Variants in TAF5 observed in about 807,000 individuals in gnomAD.
The protein encoded by TAF5 is transcription initiation factor TFIID subunit 5.
A neutral mutation model predicts 80.9 loss-of-function variants in TAF5; 20 were observed. The observed-to-expected ratio is 0.25, with a 90% CI of 0.17 to 0.36. The LOEUF is 0.36. Among genes scored for constraint, TAF5 ranks in the 10% least tolerant of loss-of-function variants. The pLI is 1.00. For synonymous variants in TAF5, 388 were observed against 406.4 expected, an observed-to-expected ratio of 0.95 and a Z score of 0.55; for missense variants, 863 against 1,029.4, an observed-to-expected ratio of 0.84 and a Z score of 2.21.
chr10:103,387,657 G>A lies in TAF5; in HGVS notation c.2144G>A (p.Cys715Tyr), dbSNP rs1254927239. 4.3e-6 allele frequency: 7 copies of A among 1,613,350 alleles called. No individual in the cohort carries two copies. The highest frequency in any genetic ancestry group is 5.9e-6 in the Non-Finnish European group (7 of 1,179,882). The change falls in exon 10 of 11, where the codon TGT (cysteine) becomes TAT (tyrosine). Residue 715 changes from cysteine to tyrosine, a missense_variant. Around this residue, in one of 3 missense-constraint regions of TAF5, gnomAD observed 368 missense variants for 461.7 expected, o/e 0.80. Transcript: ENST00000369839. Reference sequence around the variant, plus strand: ...TTAAAAGGCCACACTGATACAGTCTGTTCACTTAGGTTTAGTAGAGATGGT... The same window carrying A: ...TTAAAAGGCCACACTGATACAGTCTATTCACTTAGGTTTAGTAGAGATGGT... ...GELKGHTDTV[C>Y]SLRFSRDGEI...
rs536747755 is a variant in TAF5 at position 103,374,210 on chromosome 10, G to C, written c.797+615G>C. 9.2e-5 allele frequency among the ~76,000 whole-genome samples: 14 copies of C among 152,328 alleles called. No homozygotes were observed. Among genetic ancestry groups the C allele is most frequent in the Non-Finnish European group, 1.8e-4 (12 of 68,030 alleles). On this transcript the variant is annotated intron_variant, in intron 2 of 10. Coordinates refer to ENST00000369839, the MANE Select transcript of TAF5 (RefSeq NM_006951.5). The surrounding 1 kb of genome is among the most constrained non-coding windows in gnomAD (Gnocchi z 4.3). ...TTTATCTTAAGAAAACTAGGAAGCA[G>C]TGTTAGGATTCGATTAGAATAAGAG...
chr10:103,369,275 G>A (rs1229375142), intron 1 of TAF5, among the ~76,000 whole-genome samples: 1 of 151,994 alleles, frequency 6.6e-6, no homozygotes, highest in Non-Finnish European at 1.5e-5. Context: ...CACCGCGCCC[G>A]GCCGCCATAC....
Position 103,378,622 on chromosome 10 carries a change from AC to A in TAF5, c.1113+73del. 6.8e-7 allele frequency: 1 copy of A among 1,468,024 alleles called. No homozygotes were observed. 90.9% of individuals were successfully genotyped at this position (1,468,024 alleles called of 1,614,324 possible). On this transcript the variant is annotated intron_variant, in intron 3 of 10. Coordinates refer to ENST00000369839, the MANE Select transcript of TAF5 (RefSeq NM_006951.5). The surrounding 1 kb of genome is among the most constrained non-coding windows in gnomAD (Gnocchi z 4.1). ...TGTAGCATTTCCATCTACATAAGTT[AC>A]ACATTTTTCTTATAGCTAGCTTGGA...
chr10:103,379,350 A>G (rs529279443), intron 3 of TAF5, among the ~76,000 whole-genome samples: 3 of 152,352 alleles, frequency 2.0e-5, no homozygotes, highest in East Asian at 1.9e-4. Flanking sequence ...AACCATACCC[A>G]GTATACTTAT....
Position 103,387,717 on chromosome 10 carries a change from C to G in TAF5, c.2185+19C>G, listed in dbSNP as rs1237463804. 1 of 1,599,562 alleles carries G rather than the reference C, an allele frequency of 6.3e-7. No homozygotes were observed. Among genetic ancestry groups the G allele is most frequent in the Non-Finnish European group, 8.5e-7 (1 of 1,173,302 alleles). ...GCATCAGGTAAATGACTATTAATGG[C>G]TTTACGATAAATGCTATGTTAAGAG... On this transcript the variant is annotated intron_variant, in intron 10 of 10. Transcript: ENST00000369839.
In TAF5 at chr10:103,374,157, A is replaced by G. The variant is rs1333474110; in HGVS notation, c.797+562A>G. ...GAGAGTCACTGAAAACTCATCAACAATGGCATAAATAAAAGTTTATTTTTG... is the reference window on the plus strand; with the variant it reads ...GAGAGTCACTGAAAACTCATCAACAGTGGCATAAATAAAAGTTTATTTTTG... On this transcript the variant is annotated intron_variant, in intron 2 of 10. Transcript: ENST00000369839. The surrounding 1 kb of genome is among the most constrained non-coding windows in gnomAD (Gnocchi z 4.3). Among the ~76,000 whole-genome samples, 1 of 152,262 alleles carries G rather than the reference A, an allele frequency of 6.6e-6. No individual in the cohort carries two copies. Among genetic ancestry groups the G allele is most frequent in the African/African-American group, 2.4e-5 (1 of 41,476 alleles).
intron 6 of TAF5, 111 bp downstream of exon 6, chr10:103,381,952 A>G: frequency 6.9e-7 from 1 of 1,441,894 alleles, no homozygotes; most frequent in Non-Finnish European, 9.5e-7. Context: ...ACTTGATTTT[A>G]CTTTAACTCA....
chr10:103,387,767 C>G, intron 10 of TAF5, 69 bp downstream of exon 10: 1 of 1,459,294 alleles, frequency 6.9e-7, no homozygotes, highest in East Asian at 2.3e-5. Flanking sequence ...GACTGCAATA[C>G]TAAGTCCTTA....
Position 103,368,016 on chromosome 10 carries a change from G to T in TAF5, c.27G>T (p.Thr9=). MAALAEEQ[T]EVAVKLEPEG... ...TGGCGGCGCTGGCGGAGGAGCAGAC[G>T]GAGGTGGCGGTCAAGCTAGAGCCTG... The change falls in exon 1 of 11, where the codon ACG becomes ACT. Residue 9 remains threonine, a synonymous_variant. Transcript: ENST00000369839. The T allele has an allele frequency of 2.0e-6, 3 of 1,466,034 alleles. No homozygotes were observed. Among genetic ancestry groups the T allele is most frequent in the Non-Finnish European group, 2.7e-6 (3 of 1,115,038 alleles). The allele number at this position is 1,466,034 out of a possible 1,614,324, so 90.8% of individuals were successfully genotyped here. A position where few individuals can be genotyped will look rare whatever the true frequency, so the allele number is the denominator to read the frequency against.
In TAF5 at chr10:103,380,039, G is replaced by A. The variant is rs368480649; in HGVS notation, c.1413+20G>A. ...TACCAGGTTGGTAAAAAAATTGGGCGATTTCTGCCTGGAGAGTCATGTAGG... is the reference window on the plus strand; with the variant it reads ...TACCAGGTTGGTAAAAAAATTGGGCAATTTCTGCCTGGAGAGTCATGTAGG... On this transcript the variant is annotated intron_variant, in intron 5 of 10. Coordinates refer to ENST00000369839, the MANE Select transcript of TAF5 (RefSeq NM_006951.5). 21 of 1,606,230 alleles carry A rather than the reference G, an allele frequency of 1.3e-5. No homozygotes were observed. In the South Asian group the frequency reaches 1.3e-4, roughly 10 times the overall value.
rs907909017 is a variant in TAF5 at position 103,374,036 on chromosome 10, G to GA, written c.797+449dup. The stretch of plus-strand genomic sequence containing the variant: ...GTTCTATTGTTAAAGTGAAGGCATT[G>GA]AAAAAAAAGGATAGGCAGGTTTTTG... On this transcript the variant is annotated intron_variant, in intron 2 of 10. Coordinates refer to ENST00000369839, the MANE Select transcript of TAF5 (RefSeq NM_006951.5). This position sits in a 1 kb window ranked among gnomAD's most constrained non-coding sequence, Gnocchi z 4.3. 8.4e-4 allele frequency among the ~76,000 whole-genome samples: 128 copies of GA among 151,668 alleles called. No individual in the cohort carries two copies. Among genetic ancestry groups the GA allele is most frequent in the African/African-American group, 2.7e-3 (113 of 41,418 alleles).
At chr10:103,372,996 A>G (rs911820725) in intron 1 of TAF5, among the ~76,000 whole-genome samples, 1 of 151,882 alleles carries the variant, frequency 6.6e-6, no homozygotes, top group African/African-American at 2.4e-5. Context: ...CAAGGTCAAG[A>G]TATCAAGACC....
At position 103,388,846 on chromosome 10, in the gene TAF5, G is replaced by C. The variant is rs560659047; in HGVS notation, c.*623G>C. 6.5e-6 allele frequency: 1 copy of C among 153,056 alleles called. No individual in the cohort carries two copies. The highest frequency in any genetic ancestry group is 1.9e-4 in the East Asian group (1 of 5,198). The allele number at this position is 153,056 out of a possible 1,614,324, so 9.5% of individuals were successfully genotyped here. On this transcript the variant is annotated 3_prime_UTR_variant, in exon 11 of 11. Transcript: ENST00000369839. ...TCGATAAACCAGGTGAAGAAATTTAGCTTCCATGTTCTACTTCAGCTAAAA... is the reference window on the plus strand; with the variant it reads ...TCGATAAACCAGGTGAAGAAATTTACCTTCCATGTTCTACTTCAGCTAAAA...
At position 103,383,420 on chromosome 10, in the gene TAF5, TA is replaced by T. The variant is rs1268259883; in HGVS notation, c.1664+57del. On this transcript the variant is annotated intron_variant, in intron 7 of 10. Transcript: ENST00000369839. ...ACTGCTATGTTATATTGAAATTATA[TA>T]AAAGTTAACTACTGGAAACATTATG... 6 of 1,501,718 alleles carry T rather than the reference TA, an allele frequency of 4.0e-6. No homozygotes were observed. In the Admixed American group the frequency reaches 1.5e-4, roughly 38 times the overall value. 93.0% of individuals were successfully genotyped at this position (1,501,718 alleles called of 1,614,324 possible).
intron 2 of TAF5, among the ~76,000 whole-genome samples, chr10:103,375,266 T>C (rs1185245561): frequency 6.6e-6 from 1 of 152,054 alleles, no homozygotes; most frequent in Non-Finnish European, 1.5e-5. Context: ...AAAATGTTAA[T>C]AGCACCCTTA....
In TAF5 at chr10:103,379,881, C is replaced by T. The variant is rs369769410; in HGVS notation, c.1278-3C>T. The T allele has an allele frequency of 3.9e-5, 62 of 1,607,292 alleles. No homozygotes were observed. Among genetic ancestry groups the T allele is most frequent in the Non-Finnish European group, 4.8e-5 (57 of 1,178,412 alleles). Reference sequence around the variant, plus strand: ...TAATTTTGACTCTCTTTTTCTTTCACAGAATCCCTCTTCCTGAGTTGAAAG... The same window carrying T: ...TAATTTTGACTCTCTTTTTCTTTCATAGAATCCCTCTTCCTGAGTTGAAAG... On this transcript the variant is annotated splice_polypyrimidine_tract_variant and splice_region_variant and intron_variant, in intron 4 of 10. Transcript: ENST00000369839.
Position 103,388,188 on chromosome 10 carries a change from C to T in TAF5, c.2368C>T (p.Leu790=). 6.2e-7 allele frequency: 1 copy of T among 1,613,952 alleles called. No homozygotes were observed. Among genetic ancestry groups the T allele is most frequent in the Non-Finnish European group, 8.5e-7 (1 of 1,179,958 alleles). The part of the protein sequence containing the change: ...VVHLHFTRRN[L]VLAAGAYSPQ Reference sequence around the variant, plus strand: ...ACACCTTCATTTTACTCGAAGAAACCTGGTTCTAGCTGCAGGAGCTTATAG... The same window carrying T: ...ACACCTTCATTTTACTCGAAGAAACTTGGTTCTAGCTGCAGGAGCTTATAG... Residue 790 remains leucine, a synonymous_variant, in exon 11 of 11, where the codon CTG becomes TTG. Coordinates refer to ENST00000369839, the MANE Select transcript of TAF5 (RefSeq NM_006951.5).
chr10:103,385,756 C>G (rs542000478), intron 8 of TAF5, among the ~76,000 whole-genome samples: 1 of 151,616 alleles, frequency 6.6e-6, no homozygotes, highest in African/African-American at 2.4e-5. Context: ...GGAACCCCGT[C>G]TCTACTAAAA....
Position 103,387,294 on chromosome 10 carries a change from C to T in TAF5, c.1949C>T (p.Thr650Ile). ...GTTGCTACGGGCTCTGCAGACAGAACTGTGCGGCTCTGGGACGTCCTGAAT... is the reference window on the plus strand; with the variant it reads ...GTTGCTACGGGCTCTGCAGACAGAATTGTGCGGCTCTGGGACGTCCTGAAT... ...NYVATGSADR[T>I]VRLWDVLNGN... The change falls in exon 9 of 11, where the codon ACT becomes ATT. Residue 650 changes from threonine to isoleucine, a missense_variant. By Grantham distance (89) the Thr-to-Ile change is moderately conservative. Coordinates refer to ENST00000369839, the MANE Select transcript of TAF5 (RefSeq NM_006951.5). 1 of 1,614,178 alleles carries T rather than the reference C, an allele frequency of 6.2e-7. No homozygotes were observed.
Sources: gnomAD v4.1 joint callset for allele counts (sites outside exome capture counted in the v4.1 genomes callset) on GRCh38, gnomAD v4.1.1 for gene constraint, gnomAD v4.1.1 regional missense constraint, Gnocchi (gnomAD v3.1) non-coding constraint, MANE v1.5 for transcripts, NCBI Gene and HGNC (gene_info 2026-07-23, HGNC 2026-07-21) for gene names.